Variants in ESRRG observed in about 807,000 individuals in gnomAD.
ESRRG encodes estrogen-related receptor gamma.
A neutral mutation model predicts 44.0 loss-of-function variants in ESRRG; 13 were observed. The observed-to-expected ratio is 0.30, with a 90% CI of 0.19 to 0.47. The LOEUF (loss-of-function observed/expected upper bound fraction) is 0.47, where lower values mean the gene tolerates loss of function less well. Among genes scored for constraint, ESRRG ranks in the 20% least tolerant of loss-of-function variants. The probability of loss-of-function intolerance (pLI) is 1.00; values close to 1 mark genes in which losing one functional copy is unlikely to be tolerated. For synonymous variants in ESRRG, 215 were observed against 214.6 expected, an observed-to-expected ratio of 1.00 and a Z score of -0.02; for missense variants, 395 against 580.6, an observed-to-expected ratio of 0.68 and a Z score of 3.29.
At chr1:217,102,600 A>G (rs964604137) in intron 1 of ESRRG, among the ~76,000 whole-genome samples, 2 of 152,156 alleles carry the variant, frequency 1.3e-5, no homozygotes, top group Non-Finnish European at 2.9e-5. Flanking sequence ...AAATTTTTCA[A>G]ATTACTTTAC....
At chr1:216,967,132 T>C (rs1277120882) in intron 1 of ESRRG, among the ~76,000 whole-genome samples, 1 of 152,066 alleles carries the variant, frequency 6.6e-6, no homozygotes, top group East Asian at 1.9e-4. Context: ...AGGGACTTCT[T>C]AAGTATCGCC....
intron 1 of ESRRG, among the ~76,000 whole-genome samples, chr1:217,034,231 C>T (rs1456362226): frequency 6.6e-6 from 1 of 152,162 alleles, no homozygotes; most frequent in Non-Finnish European, 1.5e-5. Flanking sequence ...ACTTGAATTA[C>T]ATTTTAAAGC....
intron 2 of ESRRG, among the ~76,000 whole-genome samples, chr1:216,823,401 T>G (rs2095335152): frequency 6.6e-6 from 1 of 152,230 alleles, no homozygotes; most frequent in Non-Finnish European, 1.5e-5. Context: ...ATGGATTCTT[T>G]GTTTTGTTTT....
intron 6 of ESRRG, among the ~76,000 whole-genome samples, chr1:216,511,570 A>ACACACACACACAC (rs1553275786): frequency 4.2e-5 from 1 of 23,580 alleles, no homozygotes; most frequent in African/African-American, 1.0e-4. Flanking sequence ...CACACAGACA[A>ACACACACACACAC]ATACACAATG....
chr1:217,060,809 T>TAGAC (rs774933935), intron 1 of ESRRG, among the ~76,000 whole-genome samples: 31,459 of 98,902 alleles, frequency 0.32, 4,331 homozygotes, highest in Non-Finnish European at 0.42. Flanking sequence ...GATAGATAGA[T>TAGAC]AGATAGATAG....
chr1:217,084,581 T>TTTA lies in ESRRG; in HGVS notation c.-106+4925_-106+4926insTAA, dbSNP rs2091965857. On this transcript the variant is annotated intron_variant, in intron 1 of 7. Transcript: ENST00000359162. ...TGCAAAAGTTTTGCTATACTTCACATAATGTTGGCAACCTGAATTTAAATC... is the reference window on the plus strand; with the variant it reads ...TGCAAAAGTTTTGCTATACTTCACATTTAAATGTTGGCAACCTGAATTTAAATC... Among the ~76,000 whole-genome samples, 4 of 152,218 alleles carry TTTA rather than the reference T, an allele frequency of 2.6e-5. No individual in the cohort carries two copies. In the South Asian group the frequency reaches 8.3e-4, roughly 31 times the overall value.
At position 216,723,361 on chromosome 1, in the gene ESRRG, ACAGTG is replaced by A; in HGVS notation, c.-67_-63del. On this transcript the variant is annotated 5_prime_UTR_variant, in exon 1 of 7. Transcript: ENST00000408911. The stretch of plus-strand genomic sequence containing the variant: ...TAAATCAAAGTTTCCTTGACAGAGC[ACAGTG>A]CAATTAACACAAATGTTCTCCTAGT... 1 of 1,500,860 alleles carries A rather than the reference ACAGTG, an allele frequency of 6.7e-7. No individual in the cohort carries two copies. The highest frequency in any genetic ancestry group is 9.3e-7 in the Non-Finnish European group (1 of 1,077,240). 93.0% of individuals were successfully genotyped at this position (1,500,860 alleles called of 1,614,324 possible). A position where few individuals can be genotyped will look rare whatever the true frequency, so the allele number is the denominator to read the frequency against.
chr1:216,699,122 A>G lies in ESRRG; in HGVS notation c.57-21631T>C, dbSNP rs191367215. ...TCAAATATGCTGTCACATTTAAACT[A>G]TAGAGCTACTAAAATATCTGCCACA... On this transcript the variant is annotated intron_variant, in intron 1 of 6. Transcript: ENST00000408911. Among the ~76,000 whole-genome samples the G allele has an allele frequency of 2.8e-4, 42 of 152,336 alleles. No homozygotes were observed. In the East Asian group the frequency reaches 7.3e-3, roughly 27 times the overall value.
intron 2 of ESRRG, among the ~76,000 whole-genome samples, chr1:216,922,376 T>A (rs979978890): frequency 6.6e-6 from 1 of 152,308 alleles, no homozygotes; most frequent in Admixed American, 6.5e-5. Context: ...ACAACCTTTT[T>A]AGTTCGAGTT....
At chr1:217,045,109 C>G (rs2151172151) in intron 1 of ESRRG, among the ~76,000 whole-genome samples, 1 of 152,266 alleles carries the variant, frequency 6.6e-6, no homozygotes. Context: ...ATGTGCTCAG[C>G]TGGGGAAATA....
In ESRRG at chr1:216,764,276, C is replaced by CT. The variant is rs1189614153; in HGVS notation, c.-13-86786dup. ...GTTGCCCAGGCTGGACTCTTTTACT[C>CT]TTTTTTTTTTTCTGACAGGGTCTTG... On this transcript the variant is annotated intron_variant, in intron 2 of 7. Transcript: ENST00000359162. Among the ~76,000 whole-genome samples, 420 of 143,844 alleles carry CT rather than the reference C, an allele frequency of 2.9e-3. 2 individuals are homozygous for CT. The highest frequency in any genetic ancestry group is 0.011 in the Middle Eastern group (3 of 280). 94.4% of individuals were successfully genotyped at this position (143,844 alleles called of 152,430 possible).
intron 6 of ESRRG, among the ~76,000 whole-genome samples, chr1:216,518,552 G>A (rs1295334917): frequency 6.6e-6 from 1 of 152,128 alleles, no homozygotes; most frequent in Non-Finnish European, 1.5e-5. Context: ...GGCACAAAGG[G>A]AAAAACAACA....
chr1:216,712,025 T>C (rs12037068), intron 1 of ESRRG, among the ~76,000 whole-genome samples: 20,924 of 152,174 alleles, frequency 0.14, 1,573 homozygotes, highest in East Asian at 0.28. Flanking sequence ...TCAAGGAATT[T>C]TATGATTTCA....
chr1:217,076,980 G>C (rs1169526494), intron 1 of ESRRG: 1 of 152,142 alleles, frequency 6.6e-6, no homozygotes, highest in Non-Finnish European at 1.5e-5. Context: ...ATAGGTAAGG[G>C]GGGAAGAAGG....
At chr1:216,595,852 G>A (rs2058350600) in intron 3 of ESRRG, among the ~76,000 whole-genome samples, 1 of 152,072 alleles carries the variant, frequency 6.6e-6, no homozygotes, top group African/African-American at 2.4e-5. Flanking sequence ...ACATAATTTT[G>A]GTAGAAAAAC....
intron 6 of ESRRG, among the ~76,000 whole-genome samples, chr1:216,508,567 G>A (rs147011900): frequency 1.1e-4 from 16 of 152,258 alleles, no homozygotes; most frequent in African/African-American, 2.9e-4. Context: ...CATACGCCTG[G>A]CCTTTCCCTG....
At chr1:216,570,649 C>G (rs939912735) in intron 3 of ESRRG, among the ~76,000 whole-genome samples, 5 of 152,210 alleles carry the variant, frequency 3.3e-5, no homozygotes, top group Admixed American at 6.5e-5. Context: ...TATATCCTCA[C>G]GTTTGTCATC....
intron 2 of ESRRG, among the ~76,000 whole-genome samples, chr1:216,850,676 T>A (rs1165539946): frequency 6.6e-6 from 1 of 152,112 alleles, no homozygotes; most frequent in Non-Finnish European, 1.5e-5. Context: ...CAGAGTTTAA[T>A]ATGAAAAGAT....
intron 2 of ESRRG, among the ~76,000 whole-genome samples, chr1:216,906,331 A>C (rs2059681671): frequency 6.6e-6 from 1 of 152,100 alleles, no homozygotes; most frequent in African/African-American, 2.4e-5. Flanking sequence ...GTGAAGCAGC[A>C]GAATATGCTC....
Sources: allele counts gnomAD v4.1 joint callset (sites outside exome capture counted in the v4.1 genomes callset), GRCh38; gene constraint gnomAD v4.1.1; transcripts MANE v1.5; gene names NCBI Gene and HGNC (gene_info 2026-07-23, HGNC 2026-07-21).